Variants in WRAP73 observed in about 807,000 individuals in gnomAD.
WRAP73 encodes the protein WD repeat-containing protein WRAP73.
In WRAP73, 55 loss-of-function variants were observed where a neutral mutation model predicts 59.6. That is an observed-to-expected ratio of 0.92 (90% CI 0.74 to 1.15). WRAP73 has a LOEUF of 1.15. Among genes scored for constraint, WRAP73 ranks in the 50% most tolerant of loss-of-function variants. The pLI is 0.00. For synonymous variants in WRAP73, 265 were observed against 258.2 expected (o/e 1.03, Z -0.25); for missense variants, 592 against 608.1 (o/e 0.97, Z 0.28).
chr1:3,632,274 C>G lies in WRAP73; in HGVS notation c.987G>C (p.Pro329=), dbSNP rs769572536. The stretch of plus-strand genomic sequence containing the variant: ...ATGCCAGCATTCCTATGCCGATTTT[C>G]GGGTTTGCTCTGTCGGTAACAGGTT... The part of the protein sequence containing the change: ...TLKPVTDRAN[P]KIGIGMLAFS... The change falls in exon 10 of 12, where the codon CCG becomes CCC. Residue 329 remains proline, a synonymous_variant. Transcript: ENST00000270708. 1.8e-5 allele frequency: 29 copies of G among 1,614,026 alleles called. No homozygotes were observed. The highest frequency in any genetic ancestry group is 2.3e-5 in the Non-Finnish European group (27 of 1,180,030).
intron 8 of WRAP73, chr1:3,634,501 T>TC (rs1644570949): frequency 5.3e-6 from 1 of 186,958 alleles, no homozygotes; most frequent in Admixed American, 5.3e-5. Flanking sequence ...TGGTGCAGCA[T>TC]CTGTGCCTGC....
intron 1 of WRAP73, among the ~76,000 whole-genome samples, chr1:3,648,711 A>C (rs1193171240): frequency 6.6e-6 from 1 of 152,244 alleles, no homozygotes; most frequent in Non-Finnish European, 1.5e-5. Context: ...CAAGCTGGAA[A>C]AAAACACCCA....
intron 3 of WRAP73, among the ~76,000 whole-genome samples, chr1:3,644,352 C>T (rs1342823145): frequency 7.4e-6 from 1 of 134,790 alleles, no homozygotes; most frequent in East Asian, 2.2e-4. Flanking sequence ...CATGGGGTCG[C>T]GCCTTCGGAA....
In WRAP73 at chr1:3,644,863, AATAAG is replaced by A. The variant is rs1557463295; in HGVS notation, c.339+1798_339+1802del. Reference sequence around the variant, plus strand: ...TGGTAGTTTTCCTTCTGGGCCATTTAATAAGATAATACAACAAGGCTGACCCCATG... The same window carrying A: ...TGGTAGTTTTCCTTCTGGGCCATTTAATAATACAACAAGGCTGACCCCATG... On this transcript the variant is annotated intron_variant, in intron 3 of 11. Transcript: ENST00000270708. Among the ~76,000 whole-genome samples the A allele has an allele frequency of 7.2e-5, 11 of 152,312 alleles. No homozygotes were observed. The South Asian group carries it at 2.3e-3, about 32-fold the overall frequency.
At chr1:3,637,671 A>G (rs10909996) in intron 4 of WRAP73, among the ~76,000 whole-genome samples, 8,816 of 152,126 alleles carry the variant, frequency 0.058, 831 homozygotes, top group African/African-American at 0.2. Flanking sequence ...GTGAAACCCC[A>G]TCTCTACAAA....
chr1:3,632,741 A>G lies in WRAP73; in HGVS notation c.923-403T>C, dbSNP rs868091895. On this transcript the variant is annotated intron_variant, in intron 9 of 11. Transcript: ENST00000270708. ...GTACCCTTAGACTTTCCGGCTGTGGAAGAACCATCATCACAGCAGAAGCAG... is the reference window on the plus strand; with the variant it reads ...GTACCCTTAGACTTTCCGGCTGTGGGAGAACCATCATCACAGCAGAAGCAG... 3.5e-5 allele frequency: 10 copies of G among 289,380 alleles called. No homozygotes were observed. The Admixed American group carries it at 4.4e-4, about 13-fold the overall frequency. 17.9% of individuals were successfully genotyped at this position (289,380 alleles called of 1,614,324 possible).
intron 5 of WRAP73, chr1:3,636,440 CT>C (rs1287409658): frequency 9.7e-6 from 3 of 310,648 alleles, no homozygotes; most frequent in African/African-American, 6.5e-5. Flanking sequence ...CATGTGCACA[CT>C]CTCCCCCTCA....
Position 3,635,927 on chromosome 1 carries a change from C to T in WRAP73, c.603+17G>A. ...AAAGCTCTCGAAAGCAAACATGTCA[C>T]CTGGTCATCTTCATACCTCCAAGCA... On this transcript the variant is annotated intron_variant, in intron 6 of 11. Transcript: ENST00000270708. 6.2e-7 allele frequency: 1 copy of T among 1,610,006 alleles called. No individual in the cohort carries two copies. Among genetic ancestry groups the T allele is most frequent in the African/African-American group, 1.3e-5 (1 of 74,946 alleles).
intron 3 of WRAP73, among the ~76,000 whole-genome samples, chr1:3,642,038 TACAA>T (rs1370124701): frequency 1.3e-5 from 2 of 152,358 alleles, no homozygotes; most frequent in Middle Eastern, 3.4e-3. Context: ...GAAATCTGTT[TACAA>T]ACAGTTAAAA....
chr1:3,637,929 G>A (rs904197013), intron 4 of WRAP73, among the ~76,000 whole-genome samples: 2 of 152,138 alleles, frequency 1.3e-5, no homozygotes, highest in African/African-American at 4.8e-5. Context: ...AAAGCCCTAG[G>A]CCAGAATTCA....
chr1:3,646,566 T>C lies in WRAP73; in HGVS notation c.339+100A>G. On this transcript the variant is annotated intron_variant, in intron 3 of 11. Coordinates refer to ENST00000270708, the MANE Select transcript of WRAP73 (RefSeq NM_017818.4). The surrounding 1 kb of genome is among the most constrained non-coding windows in gnomAD (Gnocchi z 5.1). ...GCATCCCCTGAGGATAAGGGGAGAC[T>C]AGCATACTCCAAACACACCCCCTCT... 1.1e-6 allele frequency: 1 copy of C among 904,372 alleles called. No homozygotes were observed. Among genetic ancestry groups the C allele is most frequent in the South Asian group, 1.8e-5 (1 of 56,826 alleles). 56.0% of individuals were successfully genotyped at this position (904,372 alleles called of 1,614,324 possible).
chr1:3,647,455 CT>C lies in WRAP73; in HGVS notation c.174del (p.Asp59ThrfsTer20), dbSNP rs1557465395. On this transcript the variant is annotated frameshift_variant, in exon 2 of 12. Coordinates refer to ENST00000270708, the MANE Select transcript of WRAP73 (RefSeq NM_017818.4). LOFTEE classifies it high-confidence loss of function. ...LDQIQHIEWS[A>X]DSLFILCAMY... is the part of the protein sequence containing the mutation. ...ATGGCGCACAGGATGAAGAGCGAGT[CT>C]GCCGACCACTCGATGTGCTGGATCT... 6.2e-7 allele frequency: 1 copy of C among 1,613,962 alleles called. No homozygotes were observed. Among genetic ancestry groups the C allele is most frequent in the South Asian group, 1.1e-5 (1 of 91,074 alleles).
At chr1:3,648,864 T>C (rs1644714359) in intron 1 of WRAP73, among the ~76,000 whole-genome samples, 1 of 152,228 alleles carries the variant, frequency 6.6e-6, no homozygotes, top group Admixed American at 6.5e-5. Flanking sequence ...TTTAAACTAA[T>C]GAGGTTTTCT....
intron 10 of WRAP73, chr1:3,631,975 G>C: frequency 7.1e-7 from 1 of 1,416,146 alleles, no homozygotes. Context: ...CTACTCAGCA[G>C]AGTGGAGCAA....
At chr1:3,638,604 C>A in intron 4 of WRAP73, 146 bp downstream of exon 4, 1 of 765,900 alleles carries the variant, frequency 1.3e-6, no homozygotes, top group South Asian at 1.6e-5. Flanking sequence ...TATGAGGAGA[C>A]CTAAGGTCTC....
At position 3,646,720 on chromosome 1, in the gene WRAP73, C is replaced by T. The variant is rs1168500508; in HGVS notation, c.285G>A (p.Val95=). 3 of 1,610,024 alleles carry T rather than the reference C, an allele frequency of 1.9e-6. No individual in the cohort carries two copies. Among genetic ancestry groups the T allele is most frequent in the South Asian group, 1.1e-5 (1 of 90,910 alleles). ...GCCCGTCCGGGCTCCAGCACGAGGC[C>T]ACCAGCCCGGCTGAGCCCTCGTCTA... ...CKIDEGSAGL[V]ASCWSPDGRH... The change falls in exon 3 of 12, where the codon GTG becomes GTA. Residue 95 remains valine (V), a synonymous_variant. Coordinates refer to ENST00000270708, the MANE Select transcript of WRAP73 (RefSeq NM_017818.4). This position sits in a 1 kb window ranked among gnomAD's most constrained non-coding sequence, Gnocchi z 5.1.
At chr1:3,633,933 G>A (rs1024643767) in intron 8 of WRAP73, 18 of 165,076 alleles carry the variant, frequency 1.1e-4, no homozygotes, top group African/African-American at 2.6e-4. Flanking sequence ...AAAGGACAGC[G>A]GCCCAGGCTC....
At chr1:3,638,074 T>C (rs1644604744) in intron 4 of WRAP73, among the ~76,000 whole-genome samples, 1 of 152,178 alleles carries the variant, frequency 6.6e-6, no homozygotes, top group African/African-American at 2.4e-5. Flanking sequence ...TGCATTCAAA[T>C]GCAATTTCCA....
chr1:3,649,859 CCCCCGGCCCTG>C (rs1285400829), intron 1 of WRAP73, 61 bp downstream of exon 1: 15 of 1,509,240 alleles, frequency 9.9e-6, no homozygotes, highest in Non-Finnish European at 1.3e-5. Flanking sequence ...CACGCGGCCG[CCCCCGGCCCTG>C]CCCGCCGGGG....
Sources: allele counts gnomAD v4.1 joint callset (sites outside exome capture counted in the v4.1 genomes callset), GRCh38; gene constraint gnomAD v4.1.1; non-coding constraint Gnocchi (gnomAD v3.1); transcripts MANE v1.5; gene names NCBI Gene and HGNC (gene_info 2026-07-23, HGNC 2026-07-21).